The following NLK variants were observed in gnomAD, a reference collection of about 807,000 sequenced individuals.
NLK encodes nemo like kinase.
Under a neutral mutation model 59.0 loss-of-function variants are expected in NLK, and 11 were observed. The observed-to-expected ratio is 0.19, with a 90% CI of 0.12 to 0.31. NLK has a LOEUF of 0.31. Ranked by LOEUF, NLK falls within the 10% of genes least tolerant of loss-of-function variation. The pLI, the probability that NLK is intolerant of heterozygous loss-of-function variation, is 1.00. For synonymous variants in NLK, 235 were observed against 235.9 expected (o/e 1.00, Z 0.03); for missense variants, 410 against 661.1 (o/e 0.62, Z 4.16).
At chr17:28,087,568 A>T (rs943291976) in intron 1 of NLK, among the ~76,000 whole-genome samples, 1 of 152,238 alleles carries the variant, frequency 6.6e-6, no homozygotes, top group Admixed American at 6.5e-5. Context: ...ATAGAAACAG[A>T]TTAGGTAAGA....
At chr17:28,172,680 T>G in intron 7 of NLK, 62 bp downstream of exon 7, 1 of 895,788 alleles carries the variant, frequency 1.1e-6, no homozygotes, top group African/African-American at 1.8e-5. Flanking sequence ...TCCCTTCCAA[T>G]AGAGTAATCT....
At chr17:28,072,751 C>T (rs1350098964) in intron 1 of NLK, among the ~76,000 whole-genome samples, 1 of 152,098 alleles carries the variant, frequency 6.6e-6, no homozygotes, top group East Asian at 1.9e-4. Flanking sequence ...TGTTTAAATT[C>T]CATGGGTAAT....
chr17:28,057,178 C>T (rs1368167837), intron 1 of NLK, among the ~76,000 whole-genome samples: 1 of 152,124 alleles, frequency 6.6e-6, no homozygotes, highest in Non-Finnish European at 1.5e-5. Context: ...TGGTCTCGAA[C>T]TCCTGATGTC....
In NLK at chr17:28,067,022, A is replaced by G. The variant is rs541909080; in HGVS notation, c.458+23691A>G. On this transcript the variant is annotated intron_variant, in intron 1 of 10. Transcript: ENST00000407008. ...CCTCTTTCAGATACGTGATTTGCAA[A>G]TATTTTCTCCCAGTCTGTAGTTCCT... Among the ~76,000 whole-genome samples the G allele has an allele frequency of 4.6e-5, 7 of 152,284 alleles. No individual in the cohort carries two copies. The East Asian group carries it at 1.3e-3, about 29-fold the overall frequency.
At chr17:28,103,120 A>T (rs751079028) in intron 1 of NLK, among the ~76,000 whole-genome samples, 10 of 152,230 alleles carry the variant, frequency 6.6e-5, no homozygotes, top group Non-Finnish European at 1.3e-4. Flanking sequence ...AAATAAAAAT[A>T]AAAAGTTGAG....
At chr17:28,139,022 G>T (rs1211307243) in intron 3 of NLK, among the ~76,000 whole-genome samples, 1 of 152,184 alleles carries the variant, frequency 6.6e-6, no homozygotes, top group South Asian at 2.1e-4. Context: ...TGGGGAGGCC[G>T]AGGTGGGTGG....
At chr17:28,078,645 C>T (rs1910244821) in intron 1 of NLK, among the ~76,000 whole-genome samples, 1 of 152,102 alleles carries the variant, frequency 6.6e-6, no homozygotes, top group Non-Finnish European at 1.5e-5. Flanking sequence ...TCATTTTCAG[C>T]CTTATTGGAA....
At chr17:28,183,242 A>G (rs573249479) in intron 7 of NLK, among the ~76,000 whole-genome samples, 2 of 152,344 alleles carry the variant, frequency 1.3e-5, no homozygotes, top group South Asian at 2.1e-4. Context: ...GATAAAATAC[A>G]GTTTATGGCA....
intron 1 of NLK, among the ~76,000 whole-genome samples, chr17:28,098,581 G>A (rs1379538119): frequency 6.6e-6 from 1 of 151,300 alleles, no homozygotes; most frequent in Non-Finnish European, 1.5e-5. Context: ...TTAATTGGAT[G>A]GATATTTCAT....
At chr17:28,132,479 T>A (rs1906559570) in intron 2 of NLK, 141 bp from the exon 3 acceptor site, 3 of 652,036 alleles carry the variant, frequency 4.6e-6, no homozygotes, top group Non-Finnish European at 8.1e-6. Context: ...CTGTGTTTCT[T>A]GACAGACGAA....
intron 1 of NLK, among the ~76,000 whole-genome samples, chr17:28,045,546 TTGAG>T (rs1469256365): frequency 3.9e-5 from 6 of 152,168 alleles, no homozygotes; most frequent in Admixed American, 3.9e-4. Context: ...GTTAACTGCA[TTGAG>T]TGTTTTCATC....
chr17:28,139,791 A>G (rs1347088355), intron 3 of NLK, among the ~76,000 whole-genome samples: 10 of 152,286 alleles, frequency 6.6e-5, no homozygotes, highest in Middle Eastern at 3.4e-3. Flanking sequence ...GTATAGTCCA[A>G]TGGGCCAGGA....
chr17:28,089,885 G>A (rs1401075215), intron 1 of NLK, among the ~76,000 whole-genome samples: 1 of 152,028 alleles, frequency 6.6e-6, no homozygotes, highest in Non-Finnish European at 1.5e-5. Context: ...AAAAAAAATT[G>A]TGTGTGTATT....
chr17:28,056,292 G>A (rs1909440393), intron 1 of NLK, among the ~76,000 whole-genome samples: 1 of 152,158 alleles, frequency 6.6e-6, no homozygotes. Flanking sequence ...CTAGAGAGTT[G>A]GAAGATACTT....
intron 1 of NLK, among the ~76,000 whole-genome samples, chr17:28,068,351 G>A (rs1025734552): frequency 2.0e-5 from 3 of 152,172 alleles, no homozygotes. Context: ...GTAGTCAGAA[G>A]GGGGAAAGAG....
chr17:28,140,507 AAAG>A (rs1906942578), intron 3 of NLK, among the ~76,000 whole-genome samples: 1 of 152,314 alleles, frequency 6.6e-6, no homozygotes, highest in South Asian at 2.1e-4. Context: ...GACTGTCGTG[AAAG>A]AAGAACAGAA....
At chr17:28,064,020 A>G (rs148605445) in intron 1 of NLK, among the ~76,000 whole-genome samples, 4 of 152,276 alleles carry the variant, frequency 2.6e-5, no homozygotes, top group Non-Finnish European at 5.9e-5. Context: ...ACTGAACATA[A>G]ATATACGAGT....
At chr17:28,108,032 G>A (rs951520573) in intron 1 of NLK, among the ~76,000 whole-genome samples, 4 of 152,060 alleles carry the variant, frequency 2.6e-5, no homozygotes, top group Non-Finnish European at 5.9e-5. Flanking sequence ...TCAGGAGTTT[G>A]AGCCCAGCCT....
chr17:28,141,740 C>T (rs1411463103), intron 3 of NLK, among the ~76,000 whole-genome samples: 1 of 152,126 alleles, frequency 6.6e-6, no homozygotes, highest in Non-Finnish European at 1.5e-5. Context: ...ATATGTTCAT[C>T]CCTTACCTTC....
Sources: gnomAD v4.1 joint callset for allele counts (sites outside exome capture counted in the v4.1 genomes callset) on GRCh38, gnomAD v4.1.1 for gene constraint, MANE v1.5 for transcripts, NCBI Gene and HGNC (gene_info 2026-07-23, HGNC 2026-07-21) for gene names.